The following KCNH8 variants were observed in gnomAD, a reference collection of about 807,000 sequenced individuals.
The protein encoded by KCNH8 is voltage-gated delayed rectifier potassium channel KCNH8.
Under a neutral mutation model 103.6 loss-of-function variants are expected in KCNH8, and 70 were observed. That is an observed-to-expected ratio of 0.68 (90% CI 0.56 to 0.82). The LOEUF (loss-of-function observed/expected upper bound fraction) is 0.82, where lower values mean the gene tolerates loss of function less well. KCNH8 is among the 40% of genes least tolerant of loss of function. The probability of loss-of-function intolerance (pLI) is 0.00; values close to 1 mark genes in which losing one functional copy is unlikely to be tolerated. For synonymous variants in KCNH8, 498 were observed against 489.4 expected (o/e 1.02, Z -0.23); for missense variants, 1,217 against 1,329.9 (o/e 0.92, Z 1.32).
chr3:19,514,114 G>A (rs1337440737), intron 13 of KCNH8, among the ~76,000 whole-genome samples: 1 of 152,078 alleles, frequency 6.6e-6, no homozygotes, highest in Non-Finnish European at 1.5e-5. Flanking sequence ...TTATAAAGTT[G>A]CAAGAAGTGA....
In KCNH8 at chr3:19,535,144, G is replaced by C. The variant is rs1310987364; in HGVS notation, c.*1045G>C. ...GGGTCTGTGGACATAGGGCAATTTGGGGCTCAAAGTGAGGGAGAAAACCTG... is the reference window on the plus strand; with the variant it reads ...GGGTCTGTGGACATAGGGCAATTTGCGGCTCAAAGTGAGGGAGAAAACCTG... On this transcript the variant is annotated 3_prime_UTR_variant, in exon 16 of 16. Transcript: ENST00000328405. 6.6e-6 allele frequency: 1 copy of C among 152,124 alleles called. No homozygotes were observed. The highest frequency in any genetic ancestry group is 6.6e-5 in the Admixed American group (1 of 15,260). 9.4% of individuals were successfully genotyped at this position (152,124 alleles called of 1,614,324 possible). A position where few individuals can be genotyped will look rare whatever the true frequency, so the allele number is the denominator to read the frequency against.
chr3:19,368,659 G>T (rs1372190446), intron 5 of KCNH8, among the ~76,000 whole-genome samples: 1 of 151,922 alleles, frequency 6.6e-6, no homozygotes, highest in Non-Finnish European at 1.5e-5. Flanking sequence ...GCATGACTGA[G>T]CATAAACGTG....
intron 3 of KCNH8, among the ~76,000 whole-genome samples, chr3:19,313,589 AGT>A (rs986927100): frequency 6.6e-6 from 1 of 151,542 alleles, no homozygotes; most frequent in African/African-American, 2.4e-5. Flanking sequence ...GTGAACATTC[AGT>A]GTGTTTGTCA....
At chr3:19,291,446 T>A (rs2064923944) in intron 3 of KCNH8, among the ~76,000 whole-genome samples, 1 of 152,224 alleles carries the variant, frequency 6.6e-6, no homozygotes, top group African/African-American at 2.4e-5. Context: ...ATGTTGTGTT[T>A]TTGTTTTCAT....
chr3:19,497,210 G>A (rs944328195), intron 11 of KCNH8, among the ~76,000 whole-genome samples: 1 of 151,916 alleles, frequency 6.6e-6, no homozygotes, highest in Non-Finnish European at 1.5e-5. Flanking sequence ...TGGATTAATT[G>A]ATCTTTTGTA....
At chr3:19,339,053 A>T (rs1466100587) in intron 3 of KCNH8, among the ~76,000 whole-genome samples, 1 of 152,132 alleles carries the variant, frequency 6.6e-6, no homozygotes, top group East Asian at 1.9e-4. Flanking sequence ...CAGGAATATT[A>T]CAGTAAAGTA....
At chr3:19,214,639 T>C (rs540034384) in intron 1 of KCNH8, among the ~76,000 whole-genome samples, 1 of 152,332 alleles carries the variant, frequency 6.6e-6, no homozygotes, top group South Asian at 2.1e-4. Flanking sequence ...CCTGCTTCCC[T>C]TATTCTCTTA....
chr3:19,203,948 T>G (rs2063688090), intron 1 of KCNH8, among the ~76,000 whole-genome samples: 1 of 152,116 alleles, frequency 6.6e-6, no homozygotes, highest in African/African-American at 2.4e-5. Flanking sequence ...CTATGTAAAA[T>G]AAGTGCCAAT....
At chr3:19,492,087 T>C (rs2068335176) in intron 11 of KCNH8, among the ~76,000 whole-genome samples, 1 of 152,190 alleles carries the variant, frequency 6.6e-6, no homozygotes, top group Admixed American at 6.5e-5. Flanking sequence ...CTTTTTCAGA[T>C]GTATAGTTCA....
intron 3 of KCNH8, among the ~76,000 whole-genome samples, chr3:19,342,217 A>G (rs1314430949): frequency 6.6e-6 from 1 of 152,144 alleles, no homozygotes; most frequent in Non-Finnish European, 1.5e-5. Flanking sequence ...AAATGTGGAT[A>G]TAGGGTACAT....
chr3:19,486,055 G>C (rs1047733074), intron 11 of KCNH8, among the ~76,000 whole-genome samples: 2 of 152,202 alleles, frequency 1.3e-5, no homozygotes, highest in African/African-American at 4.8e-5. Context: ...TGTGGCAATG[G>C]TTTGGCTTCA....
intron 1 of KCNH8, among the ~76,000 whole-genome samples, chr3:19,250,983 T>A (rs1433105862): frequency 6.6e-6 from 1 of 152,082 alleles, no homozygotes; most frequent in Non-Finnish European, 1.5e-5. Context: ...ATTAAAAGCT[T>A]TTTTTAGGAT....
intron 11 of KCNH8, among the ~76,000 whole-genome samples, chr3:19,464,484 T>C (rs2067695827): frequency 6.6e-6 from 1 of 152,154 alleles, no homozygotes; most frequent in African/African-American, 2.4e-5. Context: ...ATAGCAAATA[T>C]TTCTTGAGGA....
chr3:19,228,593 T>A (rs534627649), intron 1 of KCNH8, among the ~76,000 whole-genome samples: 1 of 152,212 alleles, frequency 6.6e-6, no homozygotes, highest in Non-Finnish European at 1.5e-5. Flanking sequence ...GCATGATAAA[T>A]GTTTTACTCA....
chr3:19,294,543 T>C (rs962468560), intron 3 of KCNH8, among the ~76,000 whole-genome samples: 1 of 152,228 alleles, frequency 6.6e-6, no homozygotes, highest in Non-Finnish European at 1.5e-5. Flanking sequence ...GTCAGATATG[T>C]GATGGCACTG....
intron 3 of KCNH8, among the ~76,000 whole-genome samples, chr3:19,320,212 A>T (rs1434094710): frequency 2.0e-5 from 3 of 151,960 alleles, no homozygotes; most frequent in Non-Finnish European, 4.4e-5. Context: ...ATAAGTGGTG[A>T]AAGTGGGCAT....
intron 11 of KCNH8, among the ~76,000 whole-genome samples, chr3:19,475,537 CCTCA>C (rs1458696499): frequency 6.6e-6 from 1 of 152,158 alleles, no homozygotes; most frequent in African/African-American, 2.4e-5. Flanking sequence ...TCCCTAATTT[CCTCA>C]CTGTTTATTT....
intron 5 of KCNH8, among the ~76,000 whole-genome samples, chr3:19,383,565 G>C (rs2066316390): frequency 6.6e-6 from 1 of 152,026 alleles, no homozygotes. Flanking sequence ...TAGAGACGGG[G>C]TTTCACCATG....
At chr3:19,413,134 G>A (rs1198830533) in intron 7 of KCNH8, among the ~76,000 whole-genome samples, 1 of 107,580 alleles carries the variant, frequency 9.3e-6, no homozygotes, top group African/African-American at 3.8e-5. Flanking sequence ...GCCTATCAGC[G>A]GTGGATTGGA....
Sources: gnomAD v4.1 joint callset for allele counts (sites outside exome capture counted in the v4.1 genomes callset) on GRCh38, gnomAD v4.1.1 for gene constraint, MANE v1.5 for transcripts, NCBI Gene and HGNC (gene_info 2026-07-23, HGNC 2026-07-21) for gene names.